KALRN: variants seen among roughly 807,000 people sequenced by gnomAD.
KALRN encodes the protein kalirin.
A neutral mutation model predicts 353.7 loss-of-function variants in KALRN; 70 were observed. The ratio of observed to expected loss-of-function variants is 0.20; its 90% confidence interval spans 0.16 to 0.24. The LOEUF (loss-of-function observed/expected upper bound fraction) is 0.24. KALRN is among the 10% of genes least tolerant of loss of function. The pLI is 1.00. For synonymous variants in KALRN, 1,391 were observed against 1,434.8 expected (o/e 0.97, Z 0.69); for missense variants, 2,791 against 3,756.7 (o/e 0.74, Z 6.72).
At chr3:124,483,236 C>T (rs756996437) in intron 28 of KALRN, among the ~76,000 whole-genome samples, 7 of 152,174 alleles carry the variant, frequency 4.6e-5, no homozygotes, top group Non-Finnish European at 8.8e-5. Flanking sequence ...TCCTGGTAGC[C>T]CCTGCTTTTG....
intron 18 of KALRN, among the ~76,000 whole-genome samples, 163 bp downstream of exon 18, chr3:124,439,200 TCACACACACA>T (rs376221553): frequency 1.0e-5 from 1 of 98,878 alleles, no homozygotes; most frequent in African/African-American, 3.5e-5. Flanking sequence ...TCTCTCTCTC[TCACACACACA>T]CACACACACA....
intron 1 of KALRN, among the ~76,000 whole-genome samples, chr3:124,057,221 A>T (rs2041630065): frequency 6.6e-6 from 1 of 152,136 alleles, no homozygotes; most frequent in Admixed American, 6.6e-5. Context: ...AGTGCCTCCC[A>T]CCATACCGCC....
chr3:124,462,457 T>G, intron 24 of KALRN, 67 bp from the exon 25 acceptor site: 3 of 881,078 alleles, frequency 3.4e-6, no homozygotes, highest in Non-Finnish European at 5.7e-6. Flanking sequence ...TGAGCACCTG[T>G]GTATTTTGTC....
In KALRN at chr3:124,539,922, T is replaced by G. The variant is rs1181993867; in HGVS notation, c.4936-22921T>G. ...ATCACCACACCAAGCTAATTTTTTT[T>G]GGGGGGGGGGACAGGGTCTCACTGT... On this transcript the variant is annotated intron_variant, in intron 33 of 59. Transcript: ENST00000682506. Among the ~76,000 whole-genome samples, 192 of 131,958 alleles carry G rather than the reference T, an allele frequency of 1.5e-3. 1 individual carries two copies. Among genetic ancestry groups the G allele is most frequent in the South Asian group, 7.6e-3 (31 of 4,066 alleles). The allele number at this position is 131,958 out of a possible 152,430, so 86.6% of individuals were successfully genotyped here. A position where few individuals can be genotyped will look rare whatever the true frequency, so the allele number is the denominator to read the frequency against.
At position 124,033,883 on chromosome 3, in the gene KALRN, T is replaced by C. The variant is rs2039130088; in HGVS notation, c.73+70T>C. ...CTCGGACGCGGCGTCTCGGACAAGT[T>C]TGGGGAAGGAGGGCTGTTGCTGCCG... On this transcript the variant is annotated intron_variant, in intron 1 of 59. Coordinates refer to ENST00000682506, the MANE Select transcript of KALRN (RefSeq NM_001388419.1). This position sits in a 1 kb window ranked among gnomAD's most constrained non-coding sequence, Gnocchi z 6.2. Among the ~76,000 whole-genome samples the C allele has an allele frequency of 6.6e-6, 1 of 152,072 alleles. No homozygotes were observed. The highest frequency in any genetic ancestry group is 1.5e-5 in the Non-Finnish European group (1 of 67,938).
intron 3 of KALRN, among the ~76,000 whole-genome samples, chr3:124,253,168 G>A (rs148751674): frequency 1.1e-3 from 161 of 152,286 alleles, no homozygotes; most frequent in African/African-American, 3.6e-3. Flanking sequence ...GCTTAACATA[G>A]ATCAAGTAAT....
At chr3:124,452,215 ACTT>A (rs1435641302) in intron 21 of KALRN, among the ~76,000 whole-genome samples, 3 of 152,334 alleles carry the variant, frequency 2.0e-5, no homozygotes, top group African/African-American at 7.2e-5. Flanking sequence ...GTCTAAGTGC[ACTT>A]ATCCAATTCA....
chr3:124,106,071 T>C (rs537063719), intron 1 of KALRN, among the ~76,000 whole-genome samples: 1 of 152,284 alleles, frequency 6.6e-6, no homozygotes, highest in South Asian at 2.1e-4. Context: ...AAAGTAACAG[T>C]TGAATTTGCA....
chr3:124,429,632 T>G (rs762819485), intron 15 of KALRN, among the ~76,000 whole-genome samples: 8 of 152,228 alleles, frequency 5.3e-5, no homozygotes, highest in Non-Finnish European at 8.8e-5. Context: ...TCTGACTTTA[T>G]TAGCTGGATA....
intron 33 of KALRN, among the ~76,000 whole-genome samples, chr3:124,503,188 A>G (rs1447109695): frequency 2.0e-5 from 3 of 152,174 alleles, no homozygotes; most frequent in East Asian, 3.9e-4. Flanking sequence ...AAACACTTCA[A>G]ACCCTTAAAT....
chr3:124,256,731 T>C (rs1336583564), intron 3 of KALRN, among the ~76,000 whole-genome samples: 4 of 152,136 alleles, frequency 2.6e-5, no homozygotes, highest in Non-Finnish European at 4.4e-5. Context: ...TCTGTGGGCA[T>C]CAGGTGTGGG....
chr3:124,718,932 A>C lies in KALRN; in HGVS notation c.8423A>C (p.Asn2808Thr). Residue 2808 changes from asparagine to threonine, a missense_variant, in exon 60 of 60, where the codon AAC becomes ACC. Transcript: ENST00000682506. Reference sequence around the variant, plus strand: ...TTCCTTGGATCTCTGCAGCCTGAAAACCTGCTCATTGACCTACGGATTCCA... The same window carrying C: ...TTCCTTGGATCTCTGCAGCCTGAAACCCTGCTCATTGACCTACGGATTCCA... ...RVAHLDIKPE[N>T]LLIDLRIPVP... 1 of 1,613,616 alleles carries C rather than the reference A, an allele frequency of 6.2e-7. No individual in the cohort carries two copies. Among genetic ancestry groups the C allele is most frequent in the Non-Finnish European group, 8.5e-7 (1 of 1,179,594 alleles).
chr3:124,534,905 C>A, intron 33 of KALRN, among the ~76,000 whole-genome samples: 1 of 152,002 alleles, frequency 6.6e-6, no homozygotes, highest in East Asian at 1.9e-4. Context: ...CTGCAAATAC[C>A]CCAGCTTACT....
At chr3:124,617,483 A>G (rs1353334024) in intron 34 of KALRN, among the ~76,000 whole-genome samples, 1 of 152,268 alleles carries the variant, frequency 6.6e-6, no homozygotes, top group Non-Finnish European at 1.5e-5. Context: ...AAAGGAGAAC[A>G]TGCTGGGCTT....
At chr3:124,209,274 G>A (rs972320825) in intron 1 of KALRN, among the ~76,000 whole-genome samples, 1 of 151,934 alleles carries the variant, frequency 6.6e-6, no homozygotes. Flanking sequence ...GGAGGCCAAG[G>A]TGGGCAGATT....
intron 33 of KALRN, chr3:124,518,428 T>C (rs1232715393): frequency 6.2e-7 from 1 of 1,614,142 alleles, no homozygotes; most frequent in South Asian, 1.1e-5. Flanking sequence ...CGGTGGCACC[T>C]GGGACCTGGA....
intron 1 of KALRN, among the ~76,000 whole-genome samples, chr3:124,156,734 G>A (rs554744329): frequency 1.3e-5 from 2 of 152,204 alleles, no homozygotes; most frequent in Non-Finnish European, 2.9e-5. Flanking sequence ...CCATCCATGT[G>A]TTGGGGTCCT....
chr3:124,610,633 C>T (rs1048433939), intron 34 of KALRN, among the ~76,000 whole-genome samples: 1 of 131,778 alleles, frequency 7.6e-6, no homozygotes, highest in Non-Finnish European at 1.5e-5. Flanking sequence ...TTAACTAACC[C>T]TGGGGGGGGC....
intron 13 of KALRN, among the ~76,000 whole-genome samples, chr3:124,412,269 G>T (rs989033706): frequency 6.6e-6 from 1 of 152,096 alleles, no homozygotes; most frequent in African/African-American, 2.4e-5. Flanking sequence ...AACTTGGAAG[G>T]TTATGCCATG....
Sources: gnomAD v4.1 joint callset for allele counts (sites outside exome capture counted in the v4.1 genomes callset) on GRCh38, gnomAD v4.1.1 for gene constraint, Gnocchi (gnomAD v3.1) non-coding constraint, MANE v1.5 for transcripts, NCBI Gene and HGNC (gene_info 2026-07-23, HGNC 2026-07-21) for gene names.